Variants in COL7A1 observed in about 807,000 individuals in gnomAD.
COL7A1 encodes the protein collagen type VII alpha 1 chain, also known as collagen alpha-1(VII) chain.
A neutral mutation model predicts 456.2 loss-of-function variants in COL7A1; 296 were observed. The observed-to-expected ratio is 0.65, with a 90% CI of 0.59 to 0.71. COL7A1 has a LOEUF of 0.71. COL7A1 is among the 30% of genes least tolerant of loss of function. COL7A1 has a pLI of 0.00. For missense variants in COL7A1, 3,441 were observed against 4,017.2 expected, an observed-to-expected ratio of 0.86 and a Z score of 3.88; for synonymous variants, 1,464 against 1,525.9, an observed-to-expected ratio of 0.96 and a Z score of 0.95.
Position 48,581,251 on chromosome 3 carries a change from G to A in COL7A1, c.4899+9C>T, listed in dbSNP as rs759318378. 2 of 1,613,352 alleles carry A rather than the reference G, an allele frequency of 1.2e-6. No homozygotes were observed. The highest frequency in any genetic ancestry group is 1.7e-6 in the Non-Finnish European group (2 of 1,179,780). ...ACCCGCCATGACTCCCCCGACTCCA[G>A]CCTCTTACATCTCGTCCTCGGGGGC... On this transcript the variant is annotated intron_variant, in intron 52 of 118. Transcript: ENST00000681320. This position sits in a 1 kb window ranked among gnomAD's most constrained non-coding sequence, Gnocchi z 5.8.
Position 48,590,265 on chromosome 3 carries a change from C to A in COL7A1, c.1998G>T (p.Ser666=). The A allele has an allele frequency of 1.2e-6, 2 of 1,613,890 alleles. No individual in the cohort carries two copies. The highest frequency in any genetic ancestry group is 1.7e-6 in the Non-Finnish European group (2 of 1,179,972). ...GGCCCTCCTCTCTGCCTCGCAGTACCGACACAGCCACCTGGTAGGTGGTTC... is the reference window on the plus strand; with the variant it reads ...GGCCCTCCTCTCTGCCTCGCAGTACAGACACAGCCACCTGGTAGGTGGTTC... The part of the protein sequence containing the change: ...QPGTTYQVAV[S]VLRGREEGPA... Residue 666 remains serine, a synonymous_variant, in exon 16 of 119, where the codon TCG becomes TCT. Transcript: ENST00000681320. This position sits in a 1 kb window ranked among gnomAD's most constrained non-coding sequence, Gnocchi z 4.6.
At position 48,565,222 on chromosome 3, in the gene COL7A1, G is replaced by T; in HGVS notation, c.8528-21C>A. On this transcript the variant is annotated intron_variant, in intron 116 of 118. Coordinates refer to ENST00000681320, the MANE Select transcript of COL7A1 (RefSeq NM_000094.4). The surrounding 1 kb of genome is among the most constrained non-coding windows in gnomAD (Gnocchi z 4.5). ...CCGCTCTGCAGGTAGGGCAGGGTGT[G>T]CTGGGAGCAGTGGCTGCTGGCCCCG... is the stretch of plus-strand genomic sequence containing the variant. 1 of 1,607,802 alleles carries T rather than the reference G, an allele frequency of 6.2e-7. No individual in the cohort carries two copies. Among genetic ancestry groups the T allele is most frequent in the Non-Finnish European group, 8.5e-7 (1 of 1,175,606 alleles).
rs2043544882 is a variant in COL7A1, at chr3:48,565,125, A to G, written c.8604T>C (p.Ala2868=). The G allele has an allele frequency of 6.2e-7, 1 of 1,613,924 alleles. No individual in the cohort carries two copies. The highest frequency in any genetic ancestry group is 1.7e-5 in the Admixed American group (1 of 60,004). ...CATTCTCACCATCACTATCCCAAGGAGCTTCAGGGTCCTGGTACTCCTCCA... is the reference window on the plus strand; with the variant it reads ...CATTCTCACCATCACTATCCCAAGGGGCTTCAGGGTCCTGGTACTCCTCCA... ...YSVEEYQDPE[A]PWDSDDPCSL... Residue 2868 remains alanine (A), a synonymous_variant, in exon 117 of 119, where the codon GCT becomes GCC. Transcript: ENST00000681320. The surrounding 1 kb of genome is among the most constrained non-coding windows in gnomAD (Gnocchi z 4.5).
rs772921667 is a variant in COL7A1 at position 48,570,624 on chromosome 3, G to A, written c.7344+15C>T. The A allele has an allele frequency of 2.5e-6, 4 of 1,608,704 alleles. No homozygotes were observed. The highest frequency in any genetic ancestry group is 1.7e-5 in the Admixed American group (1 of 59,234). On this transcript the variant is annotated intron_variant, in intron 96 of 118. Transcript: ENST00000681320. This position sits in a 1 kb window ranked among gnomAD's most constrained non-coding sequence, Gnocchi z 5.5. ...GGAAATCAAATACGTGGGGCTTTAG[G>A]GCACCTCTACTCACCACTGACCCCG...
Position 48,574,001 on chromosome 3 carries a change from T to G in COL7A1, c.6502-111A>C. On this transcript the variant is annotated intron_variant, in intron 80 of 118. Coordinates refer to ENST00000681320, the MANE Select transcript of COL7A1 (RefSeq NM_000094.4). The surrounding 1 kb of genome is among the most constrained non-coding windows in gnomAD (Gnocchi z 5.0). ...AATTTCCATACCTCACCCTTTCCAGTCACAGATAATACCTACCCATGGACT... is the reference window on the plus strand; with the variant it reads ...AATTTCCATACCTCACCCTTTCCAGGCACAGATAATACCTACCCATGGACT... The G allele has an allele frequency of 7.2e-7, 1 of 1,384,088 alleles. No individual in the cohort carries two copies. 85.7% of individuals were successfully genotyped at this position (1,384,088 alleles called of 1,614,324 possible).
chr3:48,590,606 C>A lies in COL7A1; in HGVS notation c.1781-22G>T. The A allele has an allele frequency of 6.2e-7, 1 of 1,614,108 alleles. No individual in the cohort carries two copies. On this transcript the variant is annotated intron_variant, in intron 14 of 118. Coordinates refer to ENST00000681320, the MANE Select transcript of COL7A1 (RefSeq NM_000094.4). The surrounding 1 kb of genome is among the most constrained non-coding windows in gnomAD (Gnocchi z 4.6). ...GGCTCTAGGAGTTACAGACAGAAGT[C>A]AGAAGTCAGAACCAGGACCAGAGTG...
At position 48,578,905 on chromosome 3, in the gene COL7A1, C is replaced by T; in HGVS notation, c.5424+14G>A. On this transcript the variant is annotated intron_variant, in intron 63 of 118. Transcript: ENST00000681320. This position sits in a 1 kb window ranked among gnomAD's most constrained non-coding sequence, Gnocchi z 4.7. ...CCCCGAGCCCCCTCTGTCCCAGCAT[C>T]TCCCCTCACTTACGTCTCTCCCTGG... 6.2e-7 allele frequency: 1 copy of T among 1,613,336 alleles called. No homozygotes were observed. Among genetic ancestry groups the T allele is most frequent in the Non-Finnish European group, 8.5e-7 (1 of 1,179,670 alleles).
At position 48,587,427 on chromosome 3, in the gene COL7A1, A is replaced by G; in HGVS notation, c.2985T>C (p.Pro995=). The change falls in exon 23 of 119, where the codon CCT becomes CCC. Residue 995 remains proline (P), a synonymous_variant. Transcript: ENST00000681320. The surrounding 1 kb of genome is among the most constrained non-coding windows in gnomAD (Gnocchi z 6.1). ...YILSWRPLRG[P]GQEVPGSPQT... ...TCCTGGCCTCCCCCTCACCCTGGCC[A>G]GGGCCTCTGAGTGGCCGCCAGGATA... The G allele has an allele frequency of 1.9e-6, 3 of 1,613,234 alleles. No homozygotes were observed. The South Asian group carries it at 3.3e-5, about 18-fold the overall frequency.
Position 48,588,130 on chromosome 3 carries a change from C to A in COL7A1, c.2710+152G>T. The A allele has an allele frequency of 7.4e-7, 1 of 1,347,378 alleles. No homozygotes were observed. The allele number at this position is 1,347,378 out of a possible 1,614,324, so 83.5% of individuals were successfully genotyped here. On this transcript the variant is annotated intron_variant, in intron 21 of 118. Transcript: ENST00000681320. This position sits in a 1 kb window ranked among gnomAD's most constrained non-coding sequence, Gnocchi z 4.6. The stretch of plus-strand genomic sequence containing the variant: ...CCCTCCATGAACTCATTGATCCCAC[C>A]CACTTCATTGATTGATCTTACCTAC...
chr3:48,595,067 G>A lies in COL7A1; in HGVS notation c.85+8C>T, dbSNP rs1407783780. On this transcript the variant is annotated splice_region_variant and intron_variant, in intron 2 of 118. Coordinates refer to ENST00000681320, the MANE Select transcript of COL7A1 (RefSeq NM_000094.4). ...GCCCCGGGCCGGGTCCTCCCTTGCGGTGCCCACCTCTCTCCCTGTGCTGGG... is the reference window on the plus strand; with the variant it reads ...GCCCCGGGCCGGGTCCTCCCTTGCGATGCCCACCTCTCTCCCTGTGCTGGG... 1.9e-6 allele frequency: 3 copies of A among 1,548,018 alleles called. No homozygotes were observed. The highest frequency in any genetic ancestry group is 2.4e-5 in the South Asian group (2 of 83,994).
In COL7A1 at chr3:48,592,869, T is replaced by G; in HGVS notation, c.752A>C (p.Gln251Pro). 6.2e-7 allele frequency: 1 copy of G among 1,614,080 alleles called. No individual in the cohort carries two copies. Among genetic ancestry groups the G allele is most frequent in the South Asian group, 1.1e-5 (1 of 91,088 alleles). The change falls in exon 7 of 119, where the codon CAG becomes CCG. Residue 251 changes from glutamine (Q) to proline (P), a missense_variant. Coordinates refer to ENST00000681320, the MANE Select transcript of COL7A1 (RefSeq NM_000094.4). The surrounding 1 kb of genome is among the most constrained non-coding windows in gnomAD (Gnocchi z 7.6). Reference protein sequence around the residue: ...SEPSSQSLRVQWTAASGPVTG... With the variant: ...SEPSSQSLRVPWTAASGPVTG... ...CACAGGGCCACTGGCCGCTGTCCAC[T>G]GTACTCTCAAGGATTGGCTGCTTGG...
In COL7A1 at chr3:48,579,047, C is replaced by G. The variant is rs972154054; in HGVS notation, c.5389-93G>C. 2.5e-6 allele frequency: 4 copies of G among 1,573,854 alleles called. No individual in the cohort carries two copies. The highest frequency in any genetic ancestry group is 3.5e-6 in the Non-Finnish European group (4 of 1,144,688). On this transcript the variant is annotated intron_variant, in intron 62 of 118. Coordinates refer to ENST00000681320, the MANE Select transcript of COL7A1 (RefSeq NM_000094.4). This position sits in a 1 kb window ranked among gnomAD's most constrained non-coding sequence, Gnocchi z 4.4. ...AGGCCTGCATGGCAAGAACATGCCC[C>G]ACCCAGGCAGGGCTCTGGGAGAAGA...
At position 48,573,688 on chromosome 3, in the gene COL7A1, A is replaced by G; in HGVS notation, c.6573+2T>C. On this transcript the variant is annotated splice_donor_variant, in intron 82 of 118. Transcript: ENST00000681320. LOFTEE classifies it high-confidence loss of function. The surrounding 1 kb of genome is among the most constrained non-coding windows in gnomAD (Gnocchi z 5.5). ...ACCAGGCAGTGTTCCCTGGTCACTC[A>G]CCGGGGCACCAGGTGGTCCAGGGTC... is the stretch of plus-strand genomic sequence containing the variant. The G allele has an allele frequency of 1.2e-6, 2 of 1,612,874 alleles. No individual in the cohort carries two copies. The highest frequency in any genetic ancestry group is 1.7e-6 in the Non-Finnish European group (2 of 1,179,450).
rs2044559318 is a variant in COL7A1 at position 48,579,343 on chromosome 3, C to T, written c.5307+26G>A. On this transcript the variant is annotated intron_variant, in intron 61 of 118. Coordinates refer to ENST00000681320, the MANE Select transcript of COL7A1 (RefSeq NM_000094.4). This position sits in a 1 kb window ranked among gnomAD's most constrained non-coding sequence, Gnocchi z 4.4. ...TGGATCTGATAACCCAGGCTCATGT[C>T]CTGAGAAACCCCCACACCCTCTCAC... is the stretch of plus-strand genomic sequence containing the variant. 1 of 1,614,060 alleles carries T rather than the reference C, an allele frequency of 6.2e-7. No homozygotes were observed. The highest frequency in any genetic ancestry group is 1.7e-5 in the Admixed American group (1 of 60,004).
chr3:48,572,383 C>T lies in COL7A1; in HGVS notation c.6975G>A (p.Glu2325=). ...CTGTCAGAAGTTCCCTACTTACCGG[C>T]TCACCCACCAGGTCTCCAGCAAGGC... ...PGGLAGDLVG[E]PGAKGDRGLP... Residue 2325 remains glutamate (E), a synonymous_variant, in exon 90 of 119, where the codon GAG becomes GAA. Transcript: ENST00000681320. This position sits in a 1 kb window ranked among gnomAD's most constrained non-coding sequence, Gnocchi z 4.6. 6.2e-7 allele frequency: 1 copy of T among 1,614,150 alleles called. No homozygotes were observed. Among genetic ancestry groups the T allele is most frequent in the Non-Finnish European group, 8.5e-7 (1 of 1,180,016 alleles).
At position 48,585,933 on chromosome 3, in the gene COL7A1, C is replaced by T. The variant is rs1560248590; in HGVS notation, c.3759+7G>A. ...CCTCTGTTCACCTCTCGATGAGGGACTCTTACCTTTGGACAATACACTGGG... is the reference window on the plus strand; with the variant it reads ...CCTCTGTTCACCTCTCGATGAGGGATTCTTACCTTTGGACAATACACTGGG... On this transcript the variant is annotated splice_region_variant and intron_variant, in intron 29 of 118. Transcript: ENST00000681320. The surrounding 1 kb of genome is among the most constrained non-coding windows in gnomAD (Gnocchi z 4.5). 3.7e-6 allele frequency: 6 copies of T among 1,614,144 alleles called. No homozygotes were observed. The highest frequency in any genetic ancestry group is 2.2e-5 in the East Asian group (1 of 44,892).
rs767875598 is a variant in COL7A1 at position 48,592,047 on chromosome 3, C to T, written c.1241-33G>A. 7.9e-5 allele frequency: 127 copies of T among 1,614,062 alleles called. No individual in the cohort carries two copies. The highest frequency in any genetic ancestry group is 1.0e-4 in the Admixed American group (6 of 60,008). On this transcript the variant is annotated intron_variant, in intron 10 of 118. Coordinates refer to ENST00000681320, the MANE Select transcript of COL7A1 (RefSeq NM_000094.4). The surrounding 1 kb of genome is among the most constrained non-coding windows in gnomAD (Gnocchi z 7.6). The stretch of plus-strand genomic sequence containing the variant: ...GGGCACATGGGATGTCAGTGGCCTC[C>T]GGGCCTTGCCCTGCCTGCCCGTCCC...
chr3:48,584,920 C>A lies in COL7A1; in HGVS notation c.4001G>T (p.Arg1334Leu), dbSNP rs759297874. Residue 1334 changes from arginine (R) to leucine (L), a missense_variant, in exon 34 of 119, where the codon CGT (arginine) becomes CTT (leucine). Arg to Leu is a moderately radical substitution (Grantham distance 102, BLOSUM62 -2). Coordinates refer to ENST00000681320, the MANE Select transcript of COL7A1 (RefSeq NM_000094.4). The stretch of plus-strand genomic sequence containing the variant: ...GGGAAGGCACCTTACCGGGTCCCCA[C>A]GAGGGCCAGGCAACCCTGGAGAGCC... ...LKGSPGLPGP[R>L]GDPGERGPRG... The A allele has an allele frequency of 2.7e-5, 44 of 1,613,856 alleles. No individual in the cohort carries two copies. The highest frequency in any genetic ancestry group is 3.3e-5 in the Admixed American group (2 of 59,992).
chr3:48,579,759 T>C lies in COL7A1; in HGVS notation c.5154+26A>G. 6.2e-7 allele frequency: 1 copy of C among 1,613,996 alleles called. No homozygotes were observed. Among genetic ancestry groups the C allele is most frequent in the Non-Finnish European group, 8.5e-7 (1 of 1,180,012 alleles). On this transcript the variant is annotated intron_variant, in intron 58 of 118. Coordinates refer to ENST00000681320, the MANE Select transcript of COL7A1 (RefSeq NM_000094.4). This position sits in a 1 kb window ranked among gnomAD's most constrained non-coding sequence, Gnocchi z 4.4. ...CTGGGAGGGGCACTGGGGTCTTTCT[T>C]ACCCTCCACCCACAGACCCTAATAC...
Sources: allele counts gnomAD v4.1 joint callset, GRCh38; gene constraint gnomAD v4.1.1; non-coding constraint Gnocchi (gnomAD v3.1); transcripts MANE v1.5; gene names NCBI Gene and HGNC (gene_info 2026-07-23, HGNC 2026-07-21).